SNTG1: variants seen among roughly 807,000 people sequenced by gnomAD.
SNTG1 encodes syntrophin gamma 1, also known as gamma-1-syntrophin.
A neutral mutation model predicts 74.7 loss-of-function variants in SNTG1; 39 were observed. That is an observed-to-expected ratio of 0.52 (90% CI 0.40 to 0.68). The LOEUF (loss-of-function observed/expected upper bound fraction) is 0.68. Ranked by LOEUF, SNTG1 falls within the 30% of genes least tolerant of loss-of-function variation. SNTG1 has a pLI of 0.00. For synonymous variants in SNTG1, 254 were observed against 217.1 expected (o/e 1.17, Z -1.49); for missense variants, 685 against 609.5 (o/e 1.12, Z -1.30).
chr8:50,410,010 T>G (rs2092926935), intron 4 of SNTG1, among the ~76,000 whole-genome samples: 1 of 152,226 alleles, frequency 6.6e-6, no homozygotes. Flanking sequence ...CCAGTTTCCT[T>G]GTGGAATAAA....
chr8:50,611,598 T>C (rs1585842698), intron 13 of SNTG1, among the ~76,000 whole-genome samples: 1 of 152,170 alleles, frequency 6.6e-6, no homozygotes, highest in East Asian at 1.9e-4. Flanking sequence ...TTGAAGAATG[T>C]ATTTTGCTTT....
At chr8:50,225,742 G>A (rs935712082) in intron 2 of SNTG1, among the ~76,000 whole-genome samples, 3 of 152,178 alleles carry the variant, frequency 2.0e-5, no homozygotes, top group Admixed American at 6.5e-5. Context: ...TTGAGTAAGA[G>A]AAAAGACAAA....
At chr8:49,974,419 G>A (rs1342618867) in intron 1 of SNTG1, among the ~76,000 whole-genome samples, 4 of 152,292 alleles carry the variant, frequency 2.6e-5, no homozygotes, top group Admixed American at 2.6e-4. Flanking sequence ...CTGTTTTCCA[G>A]AAAAGGAATC....
At chr8:49,953,482 G>T (rs1809905626) in intron 1 of SNTG1, among the ~76,000 whole-genome samples, 1 of 152,210 alleles carries the variant, frequency 6.6e-6, no homozygotes, top group Non-Finnish European at 1.5e-5. Context: ...GGTCCCAGGT[G>T]CTAAAGAGGG....
chr8:50,736,317 C>CA (rs2095528591), intron 17 of SNTG1, among the ~76,000 whole-genome samples: 1 of 150,830 alleles, frequency 6.6e-6, no homozygotes, highest in Non-Finnish European at 1.5e-5. Context: ...ATTAAAAGAT[C>CA]AAAAAACACA....
intron 13 of SNTG1, among the ~76,000 whole-genome samples, chr8:50,604,184 T>A (rs10090779): frequency 0.17 from 26,114 of 152,146 alleles, 5,419 homozygotes; most frequent in African/African-American, 0.49. Flanking sequence ...TTTGGGAGGC[T>A]GAGGCAGGCA....
intron 8 of SNTG1, among the ~76,000 whole-genome samples, chr8:50,492,067 A>G (rs929177449): frequency 2.2e-4 from 34 of 152,136 alleles, no homozygotes; most frequent in Admixed American, 5.9e-4. Context: ...ACATGAACTC[A>G]TCCTTTTTTA....
intron 2 of SNTG1, among the ~76,000 whole-genome samples, chr8:50,199,063 G>T (rs543159441): frequency 2.0e-5 from 3 of 152,148 alleles, no homozygotes; most frequent in Non-Finnish European, 2.9e-5. Context: ...CTCAGATTTG[G>T]AATGCATTCT....
chr8:50,298,704 A>C (rs753735718), intron 2 of SNTG1, among the ~76,000 whole-genome samples: 73 of 152,310 alleles, frequency 4.8e-4, no homozygotes, highest in Non-Finnish European at 4.7e-4. Flanking sequence ...GAAACAGAAC[A>C]AATGGCCATA....
intron 13 of SNTG1, among the ~76,000 whole-genome samples, chr8:50,626,369 A>G (rs116686684): frequency 0.043 from 6,541 of 152,224 alleles, 242 homozygotes; most frequent in African/African-American, 0.094. Flanking sequence ...GGACTGTCCC[A>G]AGACCAGCTC....
intron 1 of SNTG1, among the ~76,000 whole-genome samples, chr8:50,146,671 T>G (rs1001642954): frequency 1.3e-5 from 2 of 152,228 alleles, no homozygotes; most frequent in Non-Finnish European, 2.9e-5. Context: ...TGTCAATGTG[T>G]GAGGATTCCT....
At chr8:50,633,760 C>A (rs905839184) in intron 13 of SNTG1, among the ~76,000 whole-genome samples, 1 of 152,154 alleles carries the variant, frequency 6.6e-6, no homozygotes, top group Admixed American at 6.5e-5. Flanking sequence ...CCCATGTTAT[C>A]ATCTTCCTAT....
chr8:50,200,220 A>G (rs2083933495), intron 2 of SNTG1, among the ~76,000 whole-genome samples: 1 of 152,172 alleles, frequency 6.6e-6, no homozygotes, highest in African/African-American at 2.4e-5. Flanking sequence ...TTACACTGAA[A>G]AAACAAGGCA....
At chr8:50,102,246 C>T (rs879855395) in intron 1 of SNTG1, among the ~76,000 whole-genome samples, 2 of 148,994 alleles carry the variant, frequency 1.3e-5, no homozygotes, top group South Asian at 2.1e-4. Context: ...TTAATGATTG[C>T]CATTCTAACT....
chr8:50,321,887 ACTGT>A (rs1331831435), intron 2 of SNTG1, among the ~76,000 whole-genome samples: 6 of 152,070 alleles, frequency 3.9e-5, no homozygotes, highest in Non-Finnish European at 7.4e-5. Context: ...TTTACTTTTT[ACTGT>A]CTATGTCTTA....
At chr8:49,952,138 T>C (rs115407384) in intron 1 of SNTG1, among the ~76,000 whole-genome samples, 1,961 of 152,284 alleles carry the variant, frequency 0.013, 49 homozygotes, top group African/African-American at 0.043. Context: ...TTTTATTGTT[T>C]ACTGCTTTTA....
At chr8:50,082,413 T>C (rs1822494280) in intron 1 of SNTG1, among the ~76,000 whole-genome samples, 1 of 152,206 alleles carries the variant, frequency 6.6e-6, no homozygotes, top group Admixed American at 6.5e-5. Context: ...TTTGTTGTCT[T>C]GTTTGGTTGT....
intron 12 of SNTG1, among the ~76,000 whole-genome samples, chr8:50,587,389 T>A (rs1264428838): frequency 6.6e-6 from 1 of 152,140 alleles, no homozygotes; most frequent in Non-Finnish European, 1.5e-5. Flanking sequence ...GAATGCACAG[T>A]GTTATAAAGT....
chr8:50,140,599 A>G (rs900484251), intron 1 of SNTG1, among the ~76,000 whole-genome samples: 1 of 152,042 alleles, frequency 6.6e-6, no homozygotes, highest in African/African-American at 2.4e-5. Flanking sequence ...ATGTGGATGT[A>G]AGTCTGAATG....
Sources: gnomAD v4.1 joint callset for allele counts (sites outside exome capture counted in the v4.1 genomes callset) on GRCh38, gnomAD v4.1.1 for gene constraint, MANE v1.5 for transcripts, NCBI Gene and HGNC (gene_info 2026-07-23, HGNC 2026-07-21) for gene names.